The following TBL1X variants were observed in gnomAD, a reference collection of about 807,000 sequenced individuals.
TBL1X encodes the protein transducin beta like 1 X-linked, also known as F-box-like/WD repeat-containing protein TBL1X.
In TBL1X, 10 loss-of-function variants were observed where a neutral mutation model predicts 50.7. The observed-to-expected ratio is 0.20, with a 90% CI of 0.12 to 0.33. TBL1X has a LOEUF of 0.33. TBL1X is among the 10% of genes least tolerant of loss of function. The probability of loss-of-function intolerance (pLI) is 1.00; values close to 1 mark genes in which losing one functional copy is unlikely to be tolerated. For synonymous variants in TBL1X, 190 were observed against 214.7 expected (o/e 0.88, Z 1.01); for missense variants, 340 against 504.4 (o/e 0.67, Z 3.12).
chrX:9,497,552 A>G (rs146487197), intron 1 of TBL1X, among the ~76,000 whole-genome samples: 3,644 of 111,144 alleles, frequency 0.033, 149 homozygotes, highest in African/African-American at 0.11. Flanking sequence ...TATGTGTCAT[A>G]AACTTGAAAG....
chrX:9,508,755 C>T (rs1376994679), intron 2 of TBL1X, among the ~76,000 whole-genome samples: 2 of 111,696 alleles, frequency 1.8e-5, no homozygotes, highest in Non-Finnish European at 3.8e-5. Flanking sequence ...TACTATGCAG[C>T]CATAAAAAGG....
intron 2 of TBL1X, among the ~76,000 whole-genome samples, chrX:9,584,204 C>A (rs1290102268): frequency 8.9e-6 from 1 of 112,047 alleles, no homozygotes; most frequent in Non-Finnish European, 1.9e-5. Flanking sequence ...ATTGTCACTT[C>A]TTGGGATTTA....
intron 5 of TBL1X, among the ~76,000 whole-genome samples, chrX:9,670,074 G>C (rs985862121): frequency 2.7e-5 from 3 of 112,002 alleles, no homozygotes; most frequent in African/African-American, 9.7e-5. Flanking sequence ...ATTAGGATGA[G>C]AGGGGCTTGA....
chrX:9,575,187 A>G (rs768213814), intron 2 of TBL1X, among the ~76,000 whole-genome samples: 1 of 110,929 alleles, frequency 9.0e-6, no homozygotes, highest in African/African-American at 3.3e-5. Flanking sequence ...ATACTTCTAA[A>G]CCATTAGATC....
At chrX:9,679,697 G>A (rs182627720) in intron 5 of TBL1X, among the ~76,000 whole-genome samples, 3 of 112,061 alleles carry the variant, frequency 2.7e-5, no homozygotes, top group African/African-American at 9.7e-5. Flanking sequence ...CGGGAAAGCT[G>A]AGGAGGCACA....
chrX:9,576,715 A>T (rs2082414332), intron 2 of TBL1X, among the ~76,000 whole-genome samples: 1 of 107,901 alleles, frequency 9.3e-6, no homozygotes, highest in Admixed American at 1.0e-4. Context: ...AAAAAAAAAA[A>T]ACATCGGACG....
chrX:9,674,673 CG>C (rs2082980968), intron 5 of TBL1X, among the ~76,000 whole-genome samples: 2 of 21,510 alleles, frequency 9.3e-5, no homozygotes, highest in African/African-American at 3.5e-4. Flanking sequence ...ATGATCCTCC[CG>C]CCTCAGCCCC....
At chrX:9,601,937 G>A (rs922228102) in intron 2 of TBL1X, among the ~76,000 whole-genome samples, 2 of 111,127 alleles carry the variant, frequency 1.8e-5, no homozygotes, top group Non-Finnish European at 3.8e-5. Context: ...CCAGCTACTC[G>A]GGAGGCTGAG....
chrX:9,531,840 C>G (rs1458660958), intron 2 of TBL1X, among the ~76,000 whole-genome samples: 4 of 110,633 alleles, frequency 3.6e-5, no homozygotes, highest in South Asian at 3.9e-4. Context: ...TCAAGTGATT[C>G]TCCTGCCTCA....
intron 2 of TBL1X, among the ~76,000 whole-genome samples, chrX:9,509,621 G>A (rs934438585): frequency 1.0e-4 from 11 of 107,199 alleles, no homozygotes; most frequent in African/African-American, 2.7e-4. Context: ...AAGTAGCTGG[G>A]ATTACAGGCA....
At chrX:9,651,367 C>A (rs1309654877) in intron 3 of TBL1X, among the ~76,000 whole-genome samples, 1 of 112,036 alleles carries the variant, frequency 8.9e-6, no homozygotes, top group African/African-American at 3.2e-5. Context: ...TCAGTCCATT[C>A]TTTTTGCTCC....
At chrX:9,498,334 G>A (rs1310645567) in intron 1 of TBL1X, among the ~76,000 whole-genome samples, 1 of 112,266 alleles carries the variant, frequency 8.9e-6, no homozygotes, top group Non-Finnish European at 1.9e-5. Flanking sequence ...GTGAGTCAGA[G>A]TGACGGTGAG....
At chrX:9,684,239 C>T (rs1263587033) in intron 6 of TBL1X, 51 bp downstream of exon 6, 1 of 1,197,744 alleles carries the variant, frequency 8.3e-7, no homozygotes, top group Admixed American at 2.2e-5. Flanking sequence ...TGGGAAGCTG[C>T]AGGAGCTTGG....
intron 1 of TBL1X, among the ~76,000 whole-genome samples, chrX:9,468,255 G>A (rs760162893): frequency 9.9e-5 from 11 of 111,669 alleles, no homozygotes; most frequent in Non-Finnish European, 2.1e-4. Context: ...TAGAAATGAA[G>A]GTAGAAAAGA....
At chrX:9,470,359 G>T (rs985558947) in intron 1 of TBL1X, among the ~76,000 whole-genome samples, 4 of 112,720 alleles carry the variant, frequency 3.5e-5, no homozygotes, top group Non-Finnish European at 7.5e-5. Flanking sequence ...AAGTTCAAGC[G>T]ATTCTCCTCC....
chrX:9,698,386 C>T (rs2083146207), intron 12 of TBL1X, among the ~76,000 whole-genome samples: 1 of 111,776 alleles, frequency 8.9e-6, no homozygotes, highest in African/African-American at 3.3e-5. Flanking sequence ...AGATTTCTAA[C>T]AGCACAAGAA....
chrX:9,580,971 C>T (rs1023008323), intron 2 of TBL1X, among the ~76,000 whole-genome samples: 2 of 111,703 alleles, frequency 1.8e-5, no homozygotes, highest in Admixed American at 1.9e-4. Flanking sequence ...CCCCACTTCC[C>T]GGCAGTCATG....
intron 2 of TBL1X, among the ~76,000 whole-genome samples, chrX:9,521,899 G>A (rs990324772): frequency 8.9e-6 from 1 of 111,821 alleles, no homozygotes; most frequent in Non-Finnish European, 1.9e-5. Flanking sequence ...AACTTTCTGT[G>A]TAGTCTAGTA....
chrX:9,589,962 C>G (rs1211876994), intron 2 of TBL1X, among the ~76,000 whole-genome samples: 5 of 112,020 alleles, frequency 4.5e-5, no homozygotes, highest in Non-Finnish European at 5.6e-5. Context: ...CTCAGCATCA[C>G]TCCTGTGGTG....
Sources: gnomAD v4.1 joint callset for allele counts (sites outside exome capture counted in the v4.1 genomes callset) on GRCh38, gnomAD v4.1.1 for gene constraint, MANE v1.5 for transcripts, NCBI Gene and HGNC (gene_info 2026-07-23, HGNC 2026-07-21) for gene names.